Variants in SLC35F4 observed in about 807,000 individuals in gnomAD.
SLC35F4 encodes the protein chromosome 14 open reading frame 36.
SLC35F4 carries 24 observed loss-of-function variants against 44.2 expected under a neutral mutation model. That is an observed-to-expected ratio of 0.54 (90% CI 0.39 to 0.76). The LOEUF is 0.76. Ranked by LOEUF, SLC35F4 falls within the 30% of genes least tolerant of loss-of-function variation. The pLI is 0.00. For synonymous variants in SLC35F4, 238 were observed against 223.6 expected, an observed-to-expected ratio of 1.06 and a Z score of -0.57; for missense variants, 562 against 586.1, an observed-to-expected ratio of 0.96 and a Z score of 0.42.
At position 57,919,710 on chromosome 14, in the gene SLC35F4, A is replaced by G. The variant is rs75065876; in HGVS notation, n.282+62203T>C. 5.3e-5 allele frequency among the ~76,000 whole-genome samples: 8 copies of G among 152,292 alleles called. No individual in the cohort carries two copies. The East Asian group carries it at 1.5e-3, about 29-fold the overall frequency. ...TAACTACAACACCAAGCCATGAAATAACAGACAGCCGGGATGTGCAGAGAA... is the reference window on the plus strand; with the variant it reads ...TAACTACAACACCAAGCCATGAAATGACAGACAGCCGGGATGTGCAGAGAA... On this transcript the variant is annotated intron_variant and non_coding_transcript_variant, in intron 1 of 1. Coordinates refer to the SLC35F4 transcript ENST00000556568.
chr14:57,900,412 C>T (rs1888975592), intron 1 of SLC35F4, among the ~76,000 whole-genome samples: 1 of 151,950 alleles, frequency 6.6e-6, no homozygotes, highest in African/African-American at 2.4e-5. Context: ...GTCATGTGCT[C>T]ACCTCTGGCC....
chr14:57,695,296 T>A (rs1436518528), intron 1 of SLC35F4, among the ~76,000 whole-genome samples: 1 of 151,848 alleles, frequency 6.6e-6, no homozygotes, highest in East Asian at 1.9e-4. Context: ...ATATCCAGAA[T>A]CTACAATGAA....
At chr14:57,953,804 T>G (rs927805598) in intron 1 of SLC35F4, among the ~76,000 whole-genome samples, 5 of 152,132 alleles carry the variant, frequency 3.3e-5, no homozygotes, top group African/African-American at 4.8e-5. Flanking sequence ...ACAAAGACAC[T>G]TAGACTCCCA....
chr14:57,797,672 G>T (rs2078086155), intron 1 of SLC35F4, among the ~76,000 whole-genome samples: 1 of 152,092 alleles, frequency 6.6e-6, no homozygotes, highest in South Asian at 2.1e-4. Context: ...ATTTAAAAAT[G>T]CACAGAAAAG....
At chr14:57,897,074 AG>A (rs1393804910) in intron 1 of SLC35F4, among the ~76,000 whole-genome samples, 1 of 152,288 alleles carries the variant, frequency 6.6e-6, no homozygotes, top group East Asian at 1.9e-4. Context: ...ACACATACAT[AG>A]TCACCTACAT....
intron 2 of SLC35F4, among the ~76,000 whole-genome samples, chr14:57,592,603 C>G (rs1320973930): frequency 6.6e-6 from 1 of 152,062 alleles, no homozygotes; most frequent in Non-Finnish European, 1.5e-5. Context: ...TTATTAAAGC[C>G]AATTAAAACT....
intron 1 of SLC35F4, among the ~76,000 whole-genome samples, chr14:57,721,928 T>A (rs980754369): frequency 1.3e-5 from 2 of 152,018 alleles, no homozygotes; most frequent in Admixed American, 1.3e-4. Flanking sequence ...TAATGTTGAT[T>A]CTCATTATCT....
chr14:57,953,655 C>T (rs1314042903), intron 1 of SLC35F4, among the ~76,000 whole-genome samples: 1 of 152,092 alleles, frequency 6.6e-6, no homozygotes, highest in Non-Finnish European at 1.5e-5. Flanking sequence ...AGACTTTAAA[C>T]AAACAAAGAT....
intron 1 of SLC35F4, among the ~76,000 whole-genome samples, chr14:57,823,918 C>A (rs185275541): frequency 6.6e-6 from 1 of 152,108 alleles, no homozygotes; most frequent in African/African-American, 2.4e-5. Context: ...ATATCATTAA[C>A]AACTTTGTTT....
chr14:57,792,708 A>T (rs112368724), intron 1 of SLC35F4, among the ~76,000 whole-genome samples: 3 of 148,794 alleles, frequency 2.0e-5, no homozygotes, highest in Non-Finnish European at 4.5e-5. Context: ...GTTCTCACTT[A>T]TAAGTGGGAG....
chr14:57,957,290 G>C (rs192794334), intron 1 of SLC35F4, among the ~76,000 whole-genome samples: 2 of 152,112 alleles, frequency 1.3e-5, no homozygotes, highest in Admixed American at 1.3e-4. Context: ...GGACTGTCAG[G>C]GGGTAGGGGC....
At chr14:57,816,045 G>A (rs1380936350) in intron 1 of SLC35F4, among the ~76,000 whole-genome samples, 1 of 152,076 alleles carries the variant, frequency 6.6e-6, no homozygotes, top group Non-Finnish European at 1.5e-5. Context: ...CCTAAAGCAG[G>A]GCATTTTCAT....
intron 1 of SLC35F4, among the ~76,000 whole-genome samples, chr14:57,892,780 C>T (rs1292512177): frequency 1.3e-5 from 2 of 152,100 alleles, no homozygotes; most frequent in East Asian, 3.9e-4. Flanking sequence ...CAGTGAAGAC[C>T]ATGCATAGAG....
At chr14:57,846,020 C>T (rs1157538997) in intron 1 of SLC35F4, among the ~76,000 whole-genome samples, 2 of 152,046 alleles carry the variant, frequency 1.3e-5, no homozygotes, top group African/African-American at 2.4e-5. Flanking sequence ...CTGCACAAGG[C>T]ACTGAGAGGG....
chr14:57,691,527 G>A (rs2075230487), intron 1 of SLC35F4, among the ~76,000 whole-genome samples: 1 of 152,078 alleles, frequency 6.6e-6, no homozygotes, highest in Non-Finnish European at 1.5e-5. Flanking sequence ...AATAACTGAA[G>A]CTTATACTGG....
intron 1 of SLC35F4, among the ~76,000 whole-genome samples, chr14:57,655,734 A>G (rs781386114): frequency 1.3e-5 from 2 of 152,074 alleles, no homozygotes; most frequent in Admixed American, 1.3e-4. Context: ...TCTCATTGTC[A>G]TCACCTATAG....
At chr14:57,853,981 CA>C (rs1220212058) in intron 1 of SLC35F4, among the ~76,000 whole-genome samples, 3 of 152,208 alleles carry the variant, frequency 2.0e-5, no homozygotes, top group African/African-American at 7.2e-5. Context: ...TTCCATTTTA[CA>C]TAGTCTCAAA....
chr14:57,957,093 T>C (rs1890251449), intron 1 of SLC35F4, among the ~76,000 whole-genome samples: 1 of 152,194 alleles, frequency 6.6e-6, no homozygotes, highest in East Asian at 1.9e-4. Flanking sequence ...ATATATACCA[T>C]GGAATACTAT....
At chr14:57,606,150 G>C (rs2071151721) in intron 1 of SLC35F4, among the ~76,000 whole-genome samples, 1 of 152,110 alleles carries the variant, frequency 6.6e-6, no homozygotes, top group African/African-American at 2.4e-5. Context: ...GCTATATGAA[G>C]AAAACAAAAC....
Sources: gnomAD v4.1 joint callset for allele counts (sites outside exome capture counted in the v4.1 genomes callset) on GRCh38, gnomAD v4.1.1 for gene constraint, MANE v1.5 for transcripts, NCBI Gene and HGNC (gene_info 2026-07-23, HGNC 2026-07-21) for gene names.